Variants in LPP observed in about 807,000 individuals in gnomAD.
LPP encodes the protein LIM domain containing preferred translocation partner in lipoma.
In LPP, 38 loss-of-function variants were observed where a neutral mutation model predicts 60.4. The observed-to-expected ratio is 0.63, with a 90% CI of 0.49 to 0.83. LPP has a LOEUF of 0.83. LPP is among the 40% of genes least tolerant of loss of function. LPP has a pLI of 0.00. For synonymous variants in LPP, 328 were observed against 290.8 expected (o/e 1.13, Z -1.30); for missense variants, 902 against 783.6 (o/e 1.15, Z -1.80).
intron 2 of LPP, among the ~76,000 whole-genome samples, chr3:188,289,033 C>T (rs1339744187): frequency 6.6e-6 from 1 of 151,742 alleles, no homozygotes; most frequent in Non-Finnish European, 1.5e-5. Context: ...TAAATTGATG[C>T]CTTTTAGTGG....
intron 1 of LPP, among the ~76,000 whole-genome samples, chr3:188,206,352 C>T (rs1288387956): frequency 6.6e-6 from 1 of 152,160 alleles, no homozygotes; most frequent in Non-Finnish European, 1.5e-5. Flanking sequence ...GGTTGTGTCT[C>T]CCCTTTGGAC....
intron 7 of LPP, among the ~76,000 whole-genome samples, chr3:188,618,726 T>C (rs1336592806): frequency 6.6e-6 from 1 of 152,226 alleles, no homozygotes; most frequent in Non-Finnish European, 1.5e-5. Flanking sequence ...GCTGAAACTG[T>C]GCATACCCTA....
intron 9 of LPP, among the ~76,000 whole-genome samples, chr3:188,803,014 A>G (rs1046217089): frequency 6.7e-6 from 1 of 148,862 alleles, no homozygotes; most frequent in African/African-American, 2.5e-5. Flanking sequence ...ATAATACTAT[A>G]TATTAGATTA....
chr3:188,666,868 A>G (rs1855899556), intron 7 of LPP, among the ~76,000 whole-genome samples: 1 of 152,224 alleles, frequency 6.6e-6, no homozygotes, highest in East Asian at 1.9e-4. Flanking sequence ...TTTCTGCCTT[A>G]CTGTCTTCCA....
chr3:188,444,787 A>G lies in LPP; in HGVS notation c.193+38474A>G, dbSNP rs555791653. On this transcript the variant is annotated intron_variant, in intron 4 of 11. Transcript: ENST00000617246. The stretch of plus-strand genomic sequence containing the variant: ...TACAAAGAACTTAAACAAATGTACA[A>G]GAAAAAAACAAACAACTCCATCAAA... Among the ~76,000 whole-genome samples, 3 of 152,372 alleles carry G rather than the reference A, an allele frequency of 2.0e-5. No homozygotes were observed. In the East Asian group the frequency reaches 5.8e-4, roughly 29 times the overall value.
intron 7 of LPP, among the ~76,000 whole-genome samples, chr3:188,639,389 G>A (rs1350182246): frequency 6.6e-6 from 1 of 151,130 alleles, no homozygotes; most frequent in African/African-American, 2.4e-5. Flanking sequence ...AGACTTAAAT[G>A]TTAGACCTAA....
chr3:188,648,419 A>G (rs1851487056), intron 7 of LPP, among the ~76,000 whole-genome samples: 1 of 152,176 alleles, frequency 6.6e-6, no homozygotes, highest in South Asian at 2.1e-4. Context: ...CTTAGTGCTC[A>G]TAACTGGCTT....
intron 1 of LPP, chr3:188,179,689 C>T (rs967962123): frequency 2.8e-6 from 1 of 355,748 alleles, no homozygotes; most frequent in African/African-American, 2.1e-5. Context: ...CTTGTCTGCT[C>T]CAAAACTGTG....
intron 2 of LPP, among the ~76,000 whole-genome samples, chr3:188,322,829 G>A (rs894138921): frequency 2.0e-5 from 3 of 152,186 alleles, no homozygotes; most frequent in Admixed American, 2.0e-4. Context: ...GCCTCACAAA[G>A]TTGTGATATG....
intron 9 of LPP, among the ~76,000 whole-genome samples, chr3:188,814,921 A>G (rs975492259): frequency 3.9e-5 from 6 of 152,132 alleles, no homozygotes; most frequent in Admixed American, 1.3e-4. Flanking sequence ...ACTTTACCCA[A>G]CTCCAAGACT....
chr3:188,157,146 A>G (rs1243395680), intron 1 of LPP, among the ~76,000 whole-genome samples: 1 of 152,198 alleles, frequency 6.6e-6, no homozygotes, highest in East Asian at 1.9e-4. Flanking sequence ...AAAATTGTTC[A>G]TCATGTCGTT....
chr3:188,380,254 A>G (rs546017752), intron 3 of LPP, among the ~76,000 whole-genome samples: 1 of 152,376 alleles, frequency 6.6e-6, no homozygotes, highest in Non-Finnish European at 1.5e-5. Flanking sequence ...TACTAGAGGC[A>G]TGGTGGAAAA....
intron 7 of LPP, among the ~76,000 whole-genome samples, chr3:188,646,922 TTG>T (rs1363824062): frequency 6.6e-6 from 1 of 152,196 alleles, no homozygotes; most frequent in East Asian, 1.9e-4. Flanking sequence ...TCCTGGACAT[TTG>T]TGTCTAGCTA....
At chr3:188,354,987 G>GTA (rs759939146) in intron 3 of LPP, among the ~76,000 whole-genome samples, 19 of 151,860 alleles carry the variant, frequency 1.3e-4, no homozygotes, top group East Asian at 3.9e-4. Context: ...AGAGACATAT[G>GTA]TATATATATA....
intron 9 of LPP, among the ~76,000 whole-genome samples, chr3:188,837,252 G>A (rs150340588): frequency 0.018 from 2,746 of 151,928 alleles, 74 homozygotes; most frequent in African/African-American, 0.062. Flanking sequence ...GGTGGCTGGC[G>A]CCTGTGGTCC....
chr3:188,576,131 C>A (rs1361927123), intron 6 of LPP, among the ~76,000 whole-genome samples: 13 of 152,266 alleles, frequency 8.5e-5, no homozygotes, highest in African/African-American at 3.1e-4. Flanking sequence ...TGGTTTAAAT[C>A]CAGACTTGAT....
chr3:188,398,956 G>A lies in LPP; in HGVS notation c.-9-7156G>A, dbSNP rs1177462194. Among the ~76,000 whole-genome samples the A allele has an allele frequency of 2.0e-5, 3 of 152,210 alleles. 1 individual carries two copies. Among genetic ancestry groups the A allele is most frequent in the Non-Finnish European group, 4.4e-5 (3 of 68,048 alleles). On this transcript the variant is annotated intron_variant, in intron 3 of 11. Coordinates refer to ENST00000617246, the MANE Select transcript of LPP (RefSeq NM_001375462.1). ...GTGCTTCCTCACTGATGAGCAAAGA[G>A]GAGAATTACAGATGATATCAAAACA...
At chr3:188,753,670 G>A (rs1025293534) in intron 8 of LPP, among the ~76,000 whole-genome samples, 2 of 151,016 alleles carry the variant, frequency 1.3e-5, no homozygotes, top group African/African-American at 2.4e-5. Context: ...GGACTAAGAT[G>A]TTAAAATGTT....
At position 188,879,438 on chromosome 3, in the gene LPP, ATCT is replaced by A. The variant is rs1337355896; in HGVS notation, c.*4964_*4966del. 26 of 209,156 alleles carry A rather than the reference ATCT, an allele frequency of 1.2e-4. No homozygotes were observed. The highest frequency in any genetic ancestry group is 1.8e-4 in the African/African-American group (8 of 44,098). 13.0% of individuals were successfully genotyped at this position (209,156 alleles called of 1,614,324 possible). A position where few individuals can be genotyped will look rare whatever the true frequency, so the allele number is the denominator to read the frequency against. On this transcript the variant is annotated 3_prime_UTR_variant, in exon 12 of 12. Coordinates refer to ENST00000617246, the MANE Select transcript of LPP (RefSeq NM_001375462.1). ...AGAAAATATATGTGGCATCCATAAA[ATCT>A]TCTTTTATAGGGGCATATTTTTTAG...
Sources: allele counts gnomAD v4.1 joint callset (sites outside exome capture counted in the v4.1 genomes callset), GRCh38; gene constraint gnomAD v4.1.1; transcripts MANE v1.5; gene names NCBI Gene and HGNC (gene_info 2026-07-23, HGNC 2026-07-21).